The following ADAM23 variants were observed in gnomAD, a reference collection of about 807,000 sequenced individuals.
ADAM23 encodes the protein disintegrin and metalloproteinase domain-containing protein 23.
In ADAM23, 33 loss-of-function variants were observed where a neutral mutation model predicts 120.1. The observed-to-expected ratio is 0.27, with a 90% CI of 0.21 to 0.37. ADAM23 has a LOEUF of 0.37. Ranked by LOEUF, ADAM23 falls within the 10% of genes least tolerant of loss-of-function variation. The pLI is 1.00. For missense variants in ADAM23, 862 were observed against 1,058.2 expected, an observed-to-expected ratio of 0.81 and a Z score of 2.57; for synonymous variants, 367 against 375.2, an observed-to-expected ratio of 0.98 and a Z score of 0.25.
chr2:206,580,109 C>A (rs1389529642), intron 18 of ADAM23, among the ~76,000 whole-genome samples: 3 of 152,120 alleles, frequency 2.0e-5, no homozygotes, highest in African/African-American at 4.8e-5. Flanking sequence ...GTTCTAGGAG[C>A]TTTCTAGAGG....
Position 206,459,062 on chromosome 2 carries a change from C to T in ADAM23, c.432+13538C>T, listed in dbSNP as rs1208615330. 2.6e-5 allele frequency among the ~76,000 whole-genome samples: 4 copies of T among 152,184 alleles called. No individual in the cohort carries two copies. In the East Asian group the frequency reaches 5.8e-4, roughly 22 times the overall value. On this transcript the variant is annotated intron_variant, in intron 2 of 25. Transcript: ENST00000264377. ...AAGAAGAGTTAATACACTGATTCCC[C>T]TCTTCTTATAAATTATGGCTAAAAT...
At chr2:206,578,359 A>T (rs534524722) in intron 18 of ADAM23, among the ~76,000 whole-genome samples, 1 of 149,766 alleles carries the variant, frequency 6.7e-6, no homozygotes, top group East Asian at 2.0e-4. Context: ...CCCCTCCCCA[A>T]TTCCCCCCAA....
intron 18 of ADAM23, among the ~76,000 whole-genome samples, chr2:206,583,920 G>A (rs924517710): frequency 1.3e-5 from 2 of 152,068 alleles, no homozygotes; most frequent in Non-Finnish European, 2.9e-5. Context: ...TTTTTGGGGG[G>A]TGTTGAAGAG....
At chr2:206,463,583 C>T (rs1475523578) in intron 2 of ADAM23, among the ~76,000 whole-genome samples, 3 of 152,230 alleles carry the variant, frequency 2.0e-5, no homozygotes. Flanking sequence ...GACTACTATT[C>T]TTTGTCCTGG....
At chr2:206,499,432 G>A (rs1236621404) in intron 3 of ADAM23, among the ~76,000 whole-genome samples, 6 of 146,398 alleles carry the variant, frequency 4.1e-5, no homozygotes, top group Non-Finnish European at 8.9e-5. Flanking sequence ...TCATAGGTGG[G>A]AATTGAACAA....
chr2:206,513,920 C>T (rs72935492), intron 3 of ADAM23, among the ~76,000 whole-genome samples: 41,395 of 152,024 alleles, frequency 0.27, 5,841 homozygotes, highest in South Asian at 0.31. Context: ...GGTGACAGCA[C>T]ATCTGTTTAC....
intron 3 of ADAM23, among the ~76,000 whole-genome samples, chr2:206,526,611 G>A (rs562920485): frequency 1.3e-5 from 2 of 152,126 alleles, no homozygotes; most frequent in Middle Eastern, 3.2e-3. Context: ...CACACTAGAG[G>A]GGCAGACATC....
chr2:206,501,977 A>T (rs929669677), intron 3 of ADAM23, among the ~76,000 whole-genome samples: 2 of 152,170 alleles, frequency 1.3e-5, no homozygotes, highest in Admixed American at 1.3e-4. Flanking sequence ...CTTTACAGAA[A>T]ATATTAGTTT....
chr2:206,454,163 G>A (rs1048798993), intron 2 of ADAM23, among the ~76,000 whole-genome samples: 1 of 152,066 alleles, frequency 6.6e-6, no homozygotes, highest in African/African-American at 2.4e-5. Flanking sequence ...GAAGAAAAGA[G>A]GTTTAATTAA....
rs752901447 is a variant in ADAM23 at position 206,444,056 on chromosome 2, G to A, written c.190G>A (p.Ala64Thr). The A allele has an allele frequency of 7.2e-7, 1 of 1,390,606 alleles. No individual in the cohort carries two copies. Among genetic ancestry groups the A allele is most frequent in the Non-Finnish European group, 9.4e-7 (1 of 1,068,982 alleles). The allele number at this position is 1,390,606 out of a possible 1,614,324, so 86.1% of individuals were successfully genotyped here. ...GCTCGCCGCCTCGTCCCGGCCCCGCGCCTGGGGGGCTGCTGCGCCCAGCGG... is the reference window on the plus strand; with the variant it reads ...GCTCGCCGCCTCGTCCCGGCCCCGCACCTGGGGGGCTGCTGCGCCCAGCGG... ...PPLAASSRPR[A>T]WGAAAPSAPH... Residue 64 changes from alanine to threonine, a missense_variant, in exon 1 of 26, where the codon GCC (alanine) becomes ACC (threonine). By Grantham distance (58) the Ala-to-Thr change is moderately conservative. Around this residue, in one of 4 missense-constraint regions of ADAM23, gnomAD observed 225 missense variants for 204.0 expected, o/e 1.10. Transcript: ENST00000264377.
chr2:206,474,031 A>G (rs1169969420), intron 2 of ADAM23, among the ~76,000 whole-genome samples: 6 of 151,638 alleles, frequency 4.0e-5, no homozygotes, highest in Non-Finnish European at 8.8e-5. Context: ...AAAACAAAAA[A>G]AAAAAACCAG....
intron 4 of ADAM23, among the ~76,000 whole-genome samples, chr2:206,531,525 A>AG (rs1221628990): frequency 1.3e-5 from 2 of 152,194 alleles, no homozygotes; most frequent in Non-Finnish European, 2.9e-5. Context: ...CTTCATTTGG[A>AG]GATGAACTTT....
At chr2:206,492,475 A>G (rs1696155321) in intron 3 of ADAM23, among the ~76,000 whole-genome samples, 2 of 152,230 alleles carry the variant, frequency 1.3e-5, no homozygotes, top group South Asian at 4.1e-4. Flanking sequence ...TTGTGCTGCT[A>G]TAACAAAATG....
chr2:206,592,754 A>G lies in ADAM23; in HGVS notation c.2078+18A>G. 1 of 1,612,566 alleles carries G rather than the reference A, an allele frequency of 6.2e-7. No individual in the cohort carries two copies. The highest frequency in any genetic ancestry group is 8.5e-7 in the Non-Finnish European group (1 of 1,179,170). On this transcript the variant is annotated intron_variant, in intron 22 of 25. Coordinates refer to ENST00000264377, the MANE Select transcript of ADAM23 (RefSeq NM_003812.4). Reference sequence around the variant, plus strand: ...GACTGCAGGTAACATATTAAATATTAGAAGACCTAATAAGCCATGAGAATT... The same window carrying G: ...GACTGCAGGTAACATATTAAATATTGGAAGACCTAATAAGCCATGAGAATT...
intron 2 of ADAM23, among the ~76,000 whole-genome samples, chr2:206,467,644 T>G (rs1286923923): frequency 3.3e-5 from 5 of 152,186 alleles, no homozygotes; most frequent in Non-Finnish European, 7.3e-5. Context: ...TGCTGGTGGA[T>G]GTACCATTTT....
chr2:206,469,049 G>A (rs974478209), intron 2 of ADAM23, among the ~76,000 whole-genome samples: 3 of 152,094 alleles, frequency 2.0e-5, no homozygotes, highest in African/African-American at 4.8e-5. Context: ...ATGAGAAACC[G>A]TCCTCTTGAT....
intron 17 of ADAM23, among the ~76,000 whole-genome samples, chr2:206,572,293 G>A (rs1430353121): frequency 6.6e-6 from 1 of 152,158 alleles, no homozygotes; most frequent in African/African-American, 2.4e-5. Flanking sequence ...ACATATGAAT[G>A]CACACTCATA....
chr2:206,444,118 G>A, intron 1 of ADAM23, 38 bp downstream of exon 1: 2 of 1,249,452 alleles, frequency 1.6e-6, no homozygotes, highest in South Asian at 6.2e-5. Flanking sequence ...TGGCTTTCCC[G>A]CGGGGCCCTG....
intron 2 of ADAM23, among the ~76,000 whole-genome samples, chr2:206,469,686 G>A (rs1298299456): frequency 6.6e-6 from 1 of 152,148 alleles, no homozygotes; most frequent in East Asian, 1.9e-4. Flanking sequence ...GGCCCACAAG[G>A]TGCTACACAA....
Sources: gnomAD v4.1 joint callset for allele counts (sites outside exome capture counted in the v4.1 genomes callset) on GRCh38, gnomAD v4.1.1 for gene constraint, gnomAD v4.1.1 regional missense constraint, MANE v1.5 for transcripts, NCBI Gene and HGNC (gene_info 2026-07-23, HGNC 2026-07-21) for gene names.